Variants in MOXD1 observed in about 807,000 individuals in gnomAD.
MOXD1 encodes monooxygenase DBH like 1, also known as DBH-like monooxygenase protein 1.
A neutral mutation model predicts 66.6 loss-of-function variants in MOXD1; 62 were observed. That is an observed-to-expected ratio of 0.93 (90% CI 0.76 to 1.15). MOXD1 has a LOEUF of 1.15. MOXD1 is among the 50% of genes most tolerant of loss of function. The probability of loss-of-function intolerance (pLI) is 0.00; values close to 1 mark genes in which losing one functional copy is unlikely to be tolerated. For synonymous variants in MOXD1, 303 were observed against 281.9 expected (o/e 1.07, Z -0.75); for missense variants, 847 against 754.6 (o/e 1.12, Z -1.44).
At chr6:132,308,668 C>T (rs1192206197) in intron 10 of MOXD1, among the ~76,000 whole-genome samples, 1 of 152,146 alleles carries the variant, frequency 6.6e-6, no homozygotes, top group African/African-American at 2.4e-5. Context: ...AAAACTTATC[C>T]ACCACAATCA....
intron 4 of MOXD1, among the ~76,000 whole-genome samples, chr6:132,368,259 C>T (rs951364685): frequency 3.9e-5 from 6 of 151,946 alleles, no homozygotes; most frequent in South Asian, 2.1e-4. Flanking sequence ...TTTAAATTTA[C>T]GGTAAAGTCA....
intron 1 of MOXD1, 144 bp downstream of exon 1, chr6:132,401,019 C>T (rs1278974067): frequency 9.0e-7 from 1 of 1,106,650 alleles, no homozygotes; most frequent in Non-Finnish European, 1.2e-6. Context: ...CCCGCGGAGG[C>T]GAGAGTGAGC....
intron 4 of MOXD1, among the ~76,000 whole-genome samples, chr6:132,340,803 C>T (rs1775542215): frequency 6.6e-6 from 1 of 151,818 alleles, no homozygotes; most frequent in Non-Finnish European, 1.5e-5. Flanking sequence ...CCCGCCACCG[C>T]GCCCGGCTAA....
chr6:132,398,936 A>ACAC (rs1554239403), intron 1 of MOXD1, among the ~76,000 whole-genome samples: 1 of 55,322 alleles, frequency 1.8e-5, no homozygotes, highest in African/African-American at 1.2e-4. Flanking sequence ...AGACTTTGTC[A>ACAC]AAAAAAAAAA....
intron 4 of MOXD1, among the ~76,000 whole-genome samples, chr6:132,367,889 C>T (rs1002883553): frequency 2.0e-5 from 3 of 151,978 alleles, no homozygotes; most frequent in African/African-American, 7.2e-5. Flanking sequence ...CGGAACCCAC[C>T]TACCGTAGTA....
At chr6:132,385,930 T>TA (rs1444458624) in intron 1 of MOXD1, among the ~76,000 whole-genome samples, 3 of 130,366 alleles carry the variant, frequency 2.3e-5, no homozygotes, top group Admixed American at 7.5e-5. Context: ...GGTTAAACCC[T>TA]ATCTCTACTA....
intron 9 of MOXD1, among the ~76,000 whole-genome samples, chr6:132,316,934 A>G (rs1774973461): frequency 6.6e-6 from 1 of 152,102 alleles, no homozygotes; most frequent in African/African-American, 2.4e-5. Context: ...AGACCCAAGA[A>G]GCTCAACAAA....
intron 10 of MOXD1, among the ~76,000 whole-genome samples, chr6:132,314,477 T>C (rs374025147): frequency 3.3e-5 from 5 of 152,372 alleles, no homozygotes; most frequent in East Asian, 1.9e-4. Flanking sequence ...CCCAAGGCCT[T>C]ATGTTGCCCA....
chr6:132,320,356 A>C (rs1031782700), intron 9 of MOXD1, among the ~76,000 whole-genome samples: 1 of 152,184 alleles, frequency 6.6e-6, no homozygotes. Context: ...TAAAAATATT[A>C]GATGAGAAAA....
intron 4 of MOXD1, among the ~76,000 whole-genome samples, chr6:132,370,525 G>A (rs1282253123): frequency 3.3e-5 from 5 of 151,818 alleles, no homozygotes; most frequent in African/African-American, 1.2e-4. Context: ...AATATTTTAA[G>A]GTTTAGCAAG....
At chr6:132,329,673 A>G (rs890223198) in intron 4 of MOXD1, among the ~76,000 whole-genome samples, 3 of 152,128 alleles carry the variant, frequency 2.0e-5, no homozygotes, top group African/African-American at 7.2e-5. Context: ...GAAGAATTAA[A>G]TTGTAATCTG....
chr6:132,340,638 A>ATTTTTTTTTTTTTTTTTTTTTTTTTTT, intron 4 of MOXD1, among the ~76,000 whole-genome samples: 1 of 98,786 alleles, frequency 1.0e-5, no homozygotes, highest in African/African-American at 4.4e-5. Context: ...AACAAGACTC[A>ATTTTTTTTTTTTTTTTTTTTTTTTTTT]TTTTTTTTTT....
chr6:132,343,362 G>T, intron 4 of MOXD1, among the ~76,000 whole-genome samples: 1 of 152,162 alleles, frequency 6.6e-6, no homozygotes, highest in East Asian at 1.9e-4. Context: ...ACCACCAGAG[G>T]TTGGGAGTTC....
chr6:132,389,261 C>T (rs772174764), intron 1 of MOXD1, among the ~76,000 whole-genome samples: 1 of 151,406 alleles, frequency 6.6e-6, no homozygotes, highest in Non-Finnish European at 1.5e-5. Flanking sequence ...GAAGGGTTTC[C>T]ATGCCAGGAA....
chr6:132,401,436 C>T lies in MOXD1; in HGVS notation c.-10G>A. 1 of 1,461,920 alleles carries T rather than the reference C, an allele frequency of 6.8e-7. No individual in the cohort carries two copies. The highest frequency in any genetic ancestry group is 9.0e-7 in the Non-Finnish European group (1 of 1,112,096). 90.6% of individuals were successfully genotyped at this position (1,461,920 alleles called of 1,614,324 possible). A position where few individuals can be genotyped will look rare whatever the true frequency, so the allele number is the denominator to read the frequency against. On this transcript the variant is annotated 5_prime_UTR_variant, in exon 1 of 12. Transcript: ENST00000367963. The stretch of plus-strand genomic sequence containing the variant: ...GCGGCCAGCAGCACATCCTCGGGCG[C>T]CTCCTGCCCGCCGGTACCGGCCTCC...
At chr6:132,365,520 T>C (rs1036772734) in intron 4 of MOXD1, among the ~76,000 whole-genome samples, 3 of 152,152 alleles carry the variant, frequency 2.0e-5, no homozygotes, top group Non-Finnish European at 4.4e-5. Flanking sequence ...GGTCATCTGG[T>C]CCAATCCCTT....
chr6:132,351,201 G>A (rs1323828217), intron 4 of MOXD1, among the ~76,000 whole-genome samples: 1 of 152,078 alleles, frequency 6.6e-6, no homozygotes, highest in Admixed American at 6.6e-5. Flanking sequence ...GTGAGATTGG[G>A]CATCCTTGTC....
rs114804433 is a variant in MOXD1 at position 132,396,848 on chromosome 6, C to T, written c.264+4315G>A. Reference sequence around the variant, plus strand: ...GAAGAACTAAAAAACCTGAATAGACCAACAATCAGTAATGAGATTGAATCA... The same window carrying T: ...GAAGAACTAAAAAACCTGAATAGACTAACAATCAGTAATGAGATTGAATCA... On this transcript the variant is annotated intron_variant, in intron 1 of 11. Coordinates refer to ENST00000367963, the MANE Select transcript of MOXD1 (RefSeq NM_015529.4). Among the ~76,000 whole-genome samples, 776 of 152,206 alleles carry T rather than the reference C, an allele frequency of 5.1e-3. 10 individuals carry two copies. The highest frequency in any genetic ancestry group is 0.017 in the African/African-American group (703 of 41,496).
At chr6:132,304,207 A>G (rs1433325677) in intron 10 of MOXD1, among the ~76,000 whole-genome samples, 2 of 152,032 alleles carry the variant, frequency 1.3e-5, no homozygotes, top group African/African-American at 4.8e-5. Flanking sequence ...ACTTGAGGGA[A>G]CCTTCCAATT....
Sources: allele counts gnomAD v4.1 joint callset (sites outside exome capture counted in the v4.1 genomes callset), GRCh38; gene constraint gnomAD v4.1.1; transcripts MANE v1.5; gene names NCBI Gene and HGNC (gene_info 2026-07-23, HGNC 2026-07-21).